NCEH1: variants seen among roughly 807,000 people sequenced by gnomAD.
The protein encoded by NCEH1 is 2-acetyl MAGE hydrolase.
NCEH1 carries 9 observed loss-of-function variants against 25.4 expected under a neutral mutation model. The observed-to-expected ratio is 0.35, with a 90% CI of 0.21 to 0.62. NCEH1 has a LOEUF of 0.62. Among genes scored for constraint, NCEH1 ranks in the 20% least tolerant of loss-of-function variants. The probability of loss-of-function intolerance (pLI) is 0.72; values close to 1 mark genes in which losing one functional copy is unlikely to be tolerated. For missense variants in NCEH1, 412 were observed against 501.1 expected (o/e 0.82, Z 1.70); for synonymous variants, 200 against 199.8 (o/e 1.00, Z -0.01).
At chr3:172,692,868 T>G (rs1365488764) in intron 1 of NCEH1, among the ~76,000 whole-genome samples, 1 of 152,218 alleles carries the variant, frequency 6.6e-6, no homozygotes, top group Non-Finnish European at 1.5e-5. Context: ...TTTGATACTT[T>G]CAGAAACTCC....
intron 1 of NCEH1, among the ~76,000 whole-genome samples, chr3:172,650,408 C>T (rs548253280): frequency 1.3e-5 from 2 of 152,054 alleles, no homozygotes; most frequent in South Asian, 2.1e-4. Context: ...CTTTGGGAGG[C>T]CAAGATGGGC....
intron 1 of NCEH1, among the ~76,000 whole-genome samples, chr3:172,649,294 G>C (rs773822445): frequency 6.6e-5 from 10 of 152,002 alleles, no homozygotes; most frequent in South Asian, 2.1e-4. Context: ...AAAAGAGTTA[G>C]AAAGCACTAT....
At chr3:172,683,320 G>A (rs1429541346) in intron 1 of NCEH1, among the ~76,000 whole-genome samples, 1 of 91,756 alleles carries the variant, frequency 1.1e-5, no homozygotes. Flanking sequence ...GGAGAATGGC[G>A]TGAACCCGGG....
In NCEH1 at chr3:172,633,252, T is replaced by A; in HGVS notation, c.*223A>T. On this transcript the variant is annotated 3_prime_UTR_variant, in exon 5 of 5. Transcript: ENST00000475381. ...GCTAAGATAACAAGAACAGAGAGAT[T>A]GGCCCACTCTGGGAACCAAATTTAC... 1.9e-6 allele frequency: 1 copy of A among 536,946 alleles called. No individual in the cohort carries two copies. The highest frequency in any genetic ancestry group is 2.2e-5 in the South Asian group (1 of 44,772). The allele number at this position is 536,946 out of a possible 1,614,324, so 33.3% of individuals were successfully genotyped here. A position where few individuals can be genotyped will look rare whatever the true frequency, so the allele number is the denominator to read the frequency against.
chr3:172,666,528 T>G (rs1392740019), intron 1 of NCEH1, among the ~76,000 whole-genome samples: 1 of 152,212 alleles, frequency 6.6e-6, no homozygotes, highest in Non-Finnish European at 1.5e-5. Flanking sequence ...TCTTCCTTCC[T>G]TCTTGCCTAA....
chr3:172,685,720 T>C (rs1027188352), intron 1 of NCEH1, among the ~76,000 whole-genome samples: 8 of 152,214 alleles, frequency 5.3e-5, no homozygotes, highest in African/African-American at 1.9e-4. Context: ...TTTCTCCCAC[T>C]CTTCTGTTCC....
At chr3:172,649,796 GGACAGGTAGTTT>G (rs1190817725) in intron 1 of NCEH1, among the ~76,000 whole-genome samples, 1 of 152,204 alleles carries the variant, frequency 6.6e-6, no homozygotes, top group Non-Finnish European at 1.5e-5. Flanking sequence ...ACTTGTCACA[GGACAGGTAGTTT>G]GACTGGCACG....
At chr3:172,653,760 GTTT>G (rs780425751) in intron 1 of NCEH1, among the ~76,000 whole-genome samples, 14 of 54,422 alleles carry the variant, frequency 2.6e-4, no homozygotes, top group African/African-American at 4.3e-4. Flanking sequence ...TTGTTTTTTT[GTTT>G]TTTTTTTTTT....
intron 1 of NCEH1, among the ~76,000 whole-genome samples, chr3:172,660,525 G>C (rs1284238407): frequency 6.6e-6 from 1 of 152,156 alleles, no homozygotes; most frequent in Non-Finnish European, 1.5e-5. Flanking sequence ...GGTATTTCTA[G>C]TTCTAGATCC....
chr3:172,683,522 A>G (rs1712525676), intron 1 of NCEH1, among the ~76,000 whole-genome samples: 1 of 152,108 alleles, frequency 6.6e-6, no homozygotes, highest in Non-Finnish European at 1.5e-5. Flanking sequence ...AAAATAGAAT[A>G]AAATAAATTA....
chr3:172,657,578 C>T (rs1717758402), intron 1 of NCEH1, among the ~76,000 whole-genome samples: 1 of 152,166 alleles, frequency 6.6e-6, no homozygotes, highest in Non-Finnish European at 1.5e-5. Context: ...CTGCACTTGC[C>T]TGCTAACTTG....
At chr3:172,682,588 G>C (rs1454586224) in intron 1 of NCEH1, among the ~76,000 whole-genome samples, 4 of 152,090 alleles carry the variant, frequency 2.6e-5, no homozygotes, top group Non-Finnish European at 4.4e-5. Context: ...GGACTTTGGG[G>C]GTAGGTTTGC....
At chr3:172,684,367 T>C (rs988158398) in intron 1 of NCEH1, among the ~76,000 whole-genome samples, 1 of 152,184 alleles carries the variant, frequency 6.6e-6, no homozygotes, top group African/African-American at 2.4e-5. Flanking sequence ...TTACTAAAAC[T>C]GATTTTACTT....
chr3:172,687,044 G>A (rs976142946), intron 1 of NCEH1, among the ~76,000 whole-genome samples: 2 of 152,112 alleles, frequency 1.3e-5, no homozygotes, highest in African/African-American at 2.4e-5. Flanking sequence ...TACAGTTAAC[G>A]GACAATAATG....
intron 1 of NCEH1, among the ~76,000 whole-genome samples, chr3:172,676,558 A>G (rs933717035): frequency 6.9e-6 from 1 of 144,024 alleles, no homozygotes; most frequent in African/African-American, 2.5e-5. Flanking sequence ...CAGCATCCCA[A>G]TATAAGCAAC....
intron 1 of NCEH1, among the ~76,000 whole-genome samples, chr3:172,688,910 A>G (rs1470792953): frequency 1.3e-5 from 2 of 152,204 alleles, no homozygotes; most frequent in African/African-American, 4.8e-5. Flanking sequence ...ATCCTCACAT[A>G]AACTGAAAAA....
intron 3 of NCEH1, among the ~76,000 whole-genome samples, chr3:172,638,566 T>C (rs893890375): frequency 6.6e-6 from 1 of 151,468 alleles, no homozygotes; most frequent in Admixed American, 6.6e-5. Flanking sequence ...GTCTCAATTT[T>C]TAATCTTCAG....
At chr3:172,677,227 C>T (rs1486824693) in intron 1 of NCEH1, among the ~76,000 whole-genome samples, 1 of 152,218 alleles carries the variant, frequency 6.6e-6, no homozygotes, top group African/African-American at 2.4e-5. Flanking sequence ...TTGGGTTAAT[C>T]TTCTGCTTTT....
intron 1 of NCEH1, among the ~76,000 whole-genome samples, chr3:172,703,582 G>T (rs1035284348): frequency 7.8e-6 from 1 of 127,674 alleles, no homozygotes; most frequent in Non-Finnish European, 1.7e-5. Context: ...TATTTTAAAA[G>T]AAGCAATTGT....
Sources: allele counts gnomAD v4.1 joint callset (sites outside exome capture counted in the v4.1 genomes callset), GRCh38; gene constraint gnomAD v4.1.1; transcripts MANE v1.5; gene names NCBI Gene and HGNC (gene_info 2026-07-23, HGNC 2026-07-21).